B4GALT1: variants seen among roughly 807,000 people sequenced by gnomAD.
B4GALT1 encodes the protein beta-1,4-galactosyltransferase 1.
Under a neutral mutation model 34.9 loss-of-function variants are expected in B4GALT1, and 16 were observed. The observed-to-expected ratio is 0.46, with a 90% CI of 0.31 to 0.70. B4GALT1 has a LOEUF of 0.70. Ranked by LOEUF, B4GALT1 falls within the 30% of genes least tolerant of loss-of-function variation. B4GALT1 has a pLI of 0.05. For missense variants in B4GALT1, 445 were observed against 530.5 expected (o/e 0.84, Z 1.58); for synonymous variants, 221 against 218.1 (o/e 1.01, Z -0.12).
chr9:33,146,036 G>A (rs1840420331), intron 1 of B4GALT1, among the ~76,000 whole-genome samples: 1 of 152,210 alleles, frequency 6.6e-6, no homozygotes, highest in Non-Finnish European at 1.5e-5. Flanking sequence ...TTCCACTTCT[G>A]TCCAGTGGGG....
intron 1 of B4GALT1, among the ~76,000 whole-genome samples, chr9:33,138,130 G>A (rs1302180854): frequency 6.6e-6 from 1 of 152,310 alleles, no homozygotes; most frequent in Non-Finnish European, 1.5e-5. Context: ...GGCCTGGCTC[G>A]CTTCCGCGGG....
At chr9:33,140,664 G>A (rs2118186545) in intron 1 of B4GALT1, among the ~76,000 whole-genome samples, 1 of 152,302 alleles carries the variant, frequency 6.6e-6, no homozygotes, top group East Asian at 1.9e-4. Flanking sequence ...TTCTTCCTGG[G>A]TCTCAGACCT....
At chr9:33,149,138 C>T (rs945032612) in intron 1 of B4GALT1, among the ~76,000 whole-genome samples, 3 of 150,742 alleles carry the variant, frequency 2.0e-5, no homozygotes, top group Admixed American at 6.6e-5. Context: ...AGGCAAGAAT[C>T]ATTTGTAGAT....
chr9:33,156,886 A>G (rs2118278576), intron 1 of B4GALT1, among the ~76,000 whole-genome samples: 1 of 152,338 alleles, frequency 6.6e-6, no homozygotes, highest in Non-Finnish European at 1.5e-5. Flanking sequence ...ATCAAGGAAG[A>G]AGGAAAGAAT....
intron 2 of B4GALT1, among the ~76,000 whole-genome samples, chr9:33,133,362 A>C (rs1383662243): frequency 2.0e-5 from 3 of 152,206 alleles, no homozygotes; most frequent in Non-Finnish European, 4.4e-5. Context: ...GCAACTGTCA[A>C]GAGAGAAACG....
intron 2 of B4GALT1, among the ~76,000 whole-genome samples, chr9:33,133,181 G>T (rs1179268839): frequency 1.3e-5 from 2 of 152,194 alleles, no homozygotes; most frequent in African/African-American, 4.8e-5. Flanking sequence ...GGGATTACAG[G>T]CATGAGCCAC....
chr9:33,148,180 G>C (rs1195666415), intron 1 of B4GALT1, among the ~76,000 whole-genome samples: 1 of 152,082 alleles, frequency 6.6e-6, no homozygotes, highest in Non-Finnish European at 1.5e-5. Flanking sequence ...GTGAAAAACA[G>C]GCAAAGGATT....
chr9:33,178,141 G>C, the B4GALT1 span, among the ~76,000 whole-genome samples: 7 of 151,838 alleles, frequency 4.6e-5, no homozygotes, highest in African/African-American at 7.3e-5. Context: ...ACAGGTGTGC[G>C]CCACCATTCC....
At chr9:33,143,754 A>G (rs1840386035) in intron 1 of B4GALT1, among the ~76,000 whole-genome samples, 1 of 152,266 alleles carries the variant, frequency 6.6e-6, no homozygotes, top group African/African-American at 2.4e-5. Context: ...GAATGAGGTC[A>G]AGAAAAACAA....
intron 2 of B4GALT1, among the ~76,000 whole-genome samples, chr9:33,124,909 A>T (rs1840069582): frequency 1.3e-5 from 2 of 152,186 alleles, no homozygotes; most frequent in South Asian, 4.1e-4. Flanking sequence ...GGACCTCTGG[A>T]GGCCTGTGAA....
rs1364636517 is a variant in B4GALT1, at chr9:33,167,027, C to T, written c.143G>A (p.Ser48Asn). Residue 48 changes from serine (S) to asparagine (N), a missense_variant, in exon 1 of 6, where the codon AGC (serine) becomes AAC (asparagine). This residue lies in a region of B4GALT1 where 349 missense variants were observed against 395.5 expected (regional missense o/e 0.88). Transcript: ENST00000379731. ...LVYYLAGRDL[S>N]RLPQLVGVST... ...GACTCCGACCAGTTGGGGCAGGCGG[C>T]TCAGGTCGCGGCCAGCCAGGTAGTA... 4 of 1,598,902 alleles carry T rather than the reference C, an allele frequency of 2.5e-6. No homozygotes were observed. Among genetic ancestry groups the T allele is most frequent in the Middle Eastern group, 1.7e-4 (1 of 6,054 alleles).
the B4GALT1 span, among the ~76,000 whole-genome samples, chr9:33,181,453 C>CAA: frequency 1.4e-3 from 209 of 151,190 alleles, 3 homozygotes; most frequent in African/African-American, 4.0e-3. Flanking sequence ...CACACACACA[C>CAA]ACACACAAAC....
intron 1 of B4GALT1, among the ~76,000 whole-genome samples, chr9:33,150,160 C>T (rs1840490284): frequency 6.6e-6 from 1 of 150,786 alleles, no homozygotes; most frequent in Admixed American, 6.6e-5. Flanking sequence ...TACACACACA[C>T]ATATATATGA....
chr9:33,169,599 C>T (rs1253039382), upstream of B4GALT1, among the ~76,000 whole-genome samples: 2 of 150,838 alleles, frequency 1.3e-5, no homozygotes, highest in African/African-American at 4.9e-5. Flanking sequence ...CACCTCACTG[C>T]AACCTCTGCC....
At chr9:33,135,113 G>T in intron 2 of B4GALT1, 76 bp downstream of exon 2, 1 of 1,408,906 alleles carries the variant, frequency 7.1e-7, no homozygotes, top group Non-Finnish European at 9.9e-7. Context: ...CCCTTCCCCT[G>T]CCCTCATTAC....
chr9:33,127,293 G>A (rs955565472), intron 2 of B4GALT1, among the ~76,000 whole-genome samples: 4 of 152,182 alleles, frequency 2.6e-5, no homozygotes, highest in Admixed American at 1.3e-4. Flanking sequence ...CAGCTCCAAG[G>A]AGCCAGCGCA....
chr9:33,148,917 G>A (rs1840468543), intron 1 of B4GALT1, among the ~76,000 whole-genome samples: 1 of 152,098 alleles, frequency 6.6e-6, no homozygotes. Context: ...GGATCTTATT[G>A]GCTAAATCTG....
upstream of B4GALT1, among the ~76,000 whole-genome samples, chr9:33,167,677 G>C (rs972895962): frequency 6.6e-6 from 1 of 152,228 alleles, no homozygotes; most frequent in African/African-American, 2.4e-5. Context: ...GAAGGGACTC[G>C]GGTGCGAGCC....
chr9:33,111,820 C>G lies in B4GALT1; in HGVS notation c.*1634G>C, dbSNP rs1323130904. On this transcript the variant is annotated 3_prime_UTR_variant, in exon 6 of 6. Coordinates refer to ENST00000379731, the MANE Select transcript of B4GALT1 (RefSeq NM_001497.4). ...TCATCCCAGGTGGCTCAATAGCTCC[C>G]AACAGAGGTGGGTTTGTGACAGACA... The G allele has an allele frequency of 6.6e-6, 1 of 152,490 alleles. No homozygotes were observed. The highest frequency in any genetic ancestry group is 1.9e-4 in the East Asian group (1 of 5,194). The allele number at this position is 152,490 out of a possible 1,614,324, so 9.4% of individuals were successfully genotyped here.
Sources: gnomAD v4.1 joint callset for allele counts (sites outside exome capture counted in the v4.1 genomes callset) on GRCh38, gnomAD v4.1.1 for gene constraint, gnomAD v4.1.1 regional missense constraint, MANE v1.5 for transcripts, NCBI Gene and HGNC (gene_info 2026-07-23, HGNC 2026-07-21) for gene names.